The following SOX6 variants were observed in gnomAD, a reference collection of about 807,000 sequenced individuals.
SOX6 encodes transcription factor SOX-6.
In SOX6, 11 loss-of-function variants were observed where a neutral mutation model predicts 97.8. The observed-to-expected ratio is 0.11, with a 90% CI of 0.07 to 0.19. The LOEUF is 0.19. SOX6 is among the 10% of genes least tolerant of loss of function. The pLI is 1.00. For missense variants in SOX6, 810 were observed against 1,039.5 expected (o/e 0.78, Z 3.04); for synonymous variants, 360 against 371.4 (o/e 0.97, Z 0.35).
chr11:16,558,649 G>T (rs1216622085), intron 4 of SOX6, among the ~76,000 whole-genome samples: 1 of 151,902 alleles, frequency 6.6e-6, no homozygotes, highest in Admixed American at 6.6e-5. Context: ...AACTGAGAAG[G>T]CAAGGTTAAG....
chr11:16,233,047 C>T (rs1012728615), intron 4 of SOX6, among the ~76,000 whole-genome samples: 1 of 152,068 alleles, frequency 6.6e-6, no homozygotes, highest in Admixed American at 6.5e-5. Flanking sequence ...TTTCTCTTCA[C>T]TTGAATTGAA....
intron 3 of SOX6, chr11:16,646,307 C>T (rs1413770581): frequency 6.6e-6 from 1 of 152,132 alleles, no homozygotes; most frequent in African/African-American, 2.4e-5. Context: ...CACTGGCCTT[C>T]AGGTAAGTGT....
intron 3 of SOX6, among the ~76,000 whole-genome samples, chr11:16,617,800 GA>G (rs773890135): frequency 5.3e-5 from 8 of 151,406 alleles, no homozygotes; most frequent in African/African-American, 1.2e-4. Context: ...AGTACATTCT[GA>G]AAAAAAAGTT....
intron 4 of SOX6, among the ~76,000 whole-genome samples, chr11:16,606,858 G>C (rs999578621): frequency 1.3e-5 from 2 of 152,102 alleles, no homozygotes; most frequent in Non-Finnish European, 2.9e-5. Flanking sequence ...ACAGACCCCC[G>C]CCACGCAGAT....
rs1847800857 is a variant in SOX6 at position 16,560,541 on chromosome 11, ACG to A, written n.609+51538_609+51539del. Among the ~76,000 whole-genome samples the A allele has an allele frequency of 4.3e-5, 4 of 93,734 alleles. 1 individual carries two copies. The highest frequency in any genetic ancestry group is 3.6e-5 in the African/African-American group (1 of 28,168). The allele number at this position is 93,734 out of a possible 152,430, so 61.5% of individuals were successfully genotyped here. ...TGTTTATACGTACATATATGTTTATACGTACATATGTTTATACGTACATATAT... is the reference window on the plus strand; with the variant it reads ...TGTTTATACGTACATATATGTTTATATACATATGTTTATACGTACATATAT... On this transcript the variant is annotated intron_variant and non_coding_transcript_variant, in intron 4 of 5. Coordinates refer to the SOX6 transcript ENST00000524520.
rs530811531 is a variant in SOX6, at chr11:16,144,931, G to A, written c.778-33008C>T. Among the ~76,000 whole-genome samples, 44 of 152,308 alleles carry A rather than the reference G, an allele frequency of 2.9e-4. No individual in the cohort carries two copies. In the South Asian group the frequency reaches 8.1e-3, roughly 28 times the overall value. ...AATTCTACCAGAGGTACAAGGAGGA[G>A]CTGGTACCATTCCTTCTGAAATTAT... On this transcript the variant is annotated intron_variant, in intron 6 of 15. Coordinates refer to ENST00000683767, the MANE Select transcript of SOX6 (RefSeq NM_001367873.1).
Position 16,160,239 on chromosome 11 carries a change from C to G in SOX6, c.777+23647G>C, listed in dbSNP as rs149964605. Reference sequence around the variant, plus strand: ...ATTGGCCTAAGAATACTTCATCCAACTCAGCAGGAAGCCCTGAAGTCAGTG... The same window carrying G: ...ATTGGCCTAAGAATACTTCATCCAAGTCAGCAGGAAGCCCTGAAGTCAGTG... On this transcript the variant is annotated intron_variant, in intron 6 of 15. Transcript: ENST00000683767. 8.0e-3 allele frequency among the ~76,000 whole-genome samples: 1,215 copies of G among 152,240 alleles called. 12 individuals carry two copies. Among genetic ancestry groups the G allele is most frequent in the African/African-American group, 0.028 (1,156 of 41,546 alleles).
intron 2 of SOX6, among the ~76,000 whole-genome samples, chr11:16,334,777 G>A (rs1487827435): frequency 6.6e-6 from 1 of 151,824 alleles, no homozygotes; most frequent in Non-Finnish European, 1.5e-5. Flanking sequence ...AGGTAAGAAA[G>A]AAAATTTTTC....
At chr11:16,092,495 T>A (rs1223425886) in intron 9 of SOX6, among the ~76,000 whole-genome samples, 1 of 151,954 alleles carries the variant, frequency 6.6e-6, no homozygotes, top group African/African-American at 2.4e-5. Flanking sequence ...AAGTGATTTT[T>A]AAGGCTCATA....
At position 15,969,629 on chromosome 11, in the gene SOX6, A is replaced by C. The variant is rs1853246752; in HGVS notation, c.*3180T>G. The C allele has an allele frequency of 6.6e-6, 1 of 152,170 alleles. No homozygotes were observed. The highest frequency in any genetic ancestry group is 2.4e-5 in the African/African-American group (1 of 41,426). The allele number at this position is 152,170 out of a possible 1,614,324, so 9.4% of individuals were successfully genotyped here. ...AGTTTGGACCAACATCTATGGATAG[A>C]GAACAAAAAGGAAATACATAACTTA... On this transcript the variant is annotated 3_prime_UTR_variant, in exon 16 of 16. Coordinates refer to ENST00000683767, the MANE Select transcript of SOX6 (RefSeq NM_001367873.1).
chr11:16,398,801 A>G (rs1440531003), intron 1 of SOX6, among the ~76,000 whole-genome samples: 13 of 125,118 alleles, frequency 1.0e-4, no homozygotes, highest in Non-Finnish European at 1.7e-5. Flanking sequence ...AGAATTAAGG[A>G]AAAGATAAAG....
At chr11:16,307,221 G>A (rs1855469629) in intron 3 of SOX6, among the ~76,000 whole-genome samples, 1 of 152,122 alleles carries the variant, frequency 6.6e-6, no homozygotes. Flanking sequence ...AGATACCAAT[G>A]CTCCAATGCC....
intron 4 of SOX6, among the ~76,000 whole-genome samples, chr11:16,207,273 T>C (rs991508641): frequency 1.3e-5 from 2 of 152,082 alleles, no homozygotes; most frequent in African/African-American, 4.8e-5. Context: ...TATTGATAGC[T>C]AGGAATATTA....
At chr11:16,564,962 G>A (rs1172930928) in intron 4 of SOX6, among the ~76,000 whole-genome samples, 1 of 151,712 alleles carries the variant, frequency 6.6e-6, no homozygotes, top group African/African-American at 2.4e-5. Flanking sequence ...ATGATAAAGA[G>A]CGGAAACCAA....
chr11:16,379,958 A>G (rs758635442), intron 1 of SOX6, among the ~76,000 whole-genome samples: 22 of 151,966 alleles, frequency 1.4e-4, no homozygotes, highest in Admixed American at 2.6e-4. Context: ...ATATACCATT[A>G]AATTAAAAAG....
At chr11:16,674,864 C>T (rs1359650038) in intron 3 of SOX6, among the ~76,000 whole-genome samples, 2 of 152,108 alleles carry the variant, frequency 1.3e-5, no homozygotes, top group Admixed American at 6.6e-5. Flanking sequence ...GGCAGGAGAA[C>T]TGCTTGAACC....
intron 4 of SOX6, among the ~76,000 whole-genome samples, chr11:16,529,411 A>G (rs1034179046): frequency 6.6e-6 from 1 of 152,116 alleles, no homozygotes; most frequent in Admixed American, 6.6e-5. Context: ...TTGTTTGGCT[A>G]TATTGGAAGA....
intron 2 of SOX6, among the ~76,000 whole-genome samples, chr11:16,324,060 T>C (rs900013764): frequency 1.3e-5 from 2 of 151,904 alleles, no homozygotes; most frequent in African/African-American, 4.8e-5. Context: ...GGTGCACACT[T>C]GTGCTCCCAG....
At chr11:16,125,873 A>AGGAAGGAAGGAAGGAG (rs1438187281) in intron 6 of SOX6, among the ~76,000 whole-genome samples, 39 of 149,468 alleles carry the variant, frequency 2.6e-4, no homozygotes, top group Non-Finnish European at 1.5e-4. Flanking sequence ...GAAGGAAGGA[A>AGGAAGGAAGGAAGGAG]GGAAAGTTTA....
Sources: gnomAD v4.1 joint callset for allele counts (sites outside exome capture counted in the v4.1 genomes callset) on GRCh38, gnomAD v4.1.1 for gene constraint, MANE v1.5 for transcripts, NCBI Gene and HGNC (gene_info 2026-07-23, HGNC 2026-07-21) for gene names.